ERMAP: variants seen among roughly 807,000 people sequenced by gnomAD.
ERMAP encodes erythroblast membrane associated protein (Scianna blood group).
ERMAP carries 34 observed loss-of-function variants against 49.5 expected under a neutral mutation model. That is an observed-to-expected ratio of 0.69 (90% confidence interval 0.52 to 0.91). The LOEUF is 0.91. ERMAP is among the 40% of genes least tolerant of loss of function. ERMAP has a pLI of 0.00. For synonymous variants in ERMAP, 214 were observed against 232.2 expected, an observed-to-expected ratio of 0.92 and a Z score of 0.71; for missense variants, 541 against 582.6, an observed-to-expected ratio of 0.93 and a Z score of 0.74.
chr1:42,839,561 G>A, intron 8 of ERMAP: 1 of 176,472 alleles, frequency 5.7e-6, no homozygotes, highest in South Asian at 1.3e-4. Flanking sequence ...AGTGAGCCGA[G>A]ATTGCACTAT....
chr1:42,819,895 T>C lies in ERMAP; in HGVS notation c.-122+2642T>C, dbSNP rs1337227216. Among the ~76,000 whole-genome samples the C allele has an allele frequency of 6.6e-6, 1 of 152,214 alleles. No individual in the cohort carries two copies. Among genetic ancestry groups the C allele is most frequent in the African/African-American group, 2.4e-5 (1 of 41,458 alleles). ...AACCACATTCTGGGGATTCTCTTCTTGTTTCTCCTGTGCCAAATCCCCTGC... is the reference window on the plus strand; with the variant it reads ...AACCACATTCTGGGGATTCTCTTCTCGTTTCTCCTGTGCCAAATCCCCTGC... On this transcript the variant is annotated intron_variant, in intron 1 of 11. Coordinates refer to ENST00000372517, the MANE Select transcript of ERMAP (RefSeq NM_001017922.2). The surrounding 1 kb of genome is among the most constrained non-coding windows in gnomAD (Gnocchi z 5.1).
rs12124857 is a variant in ERMAP at position 42,820,031 on chromosome 1, G to A, written c.-122+2778G>A. Among the ~76,000 whole-genome samples, 763 of 152,224 alleles carry A rather than the reference G, an allele frequency of 5.0e-3. 4 individuals are homozygous for A. Among genetic ancestry groups the A allele is most frequent in the Middle Eastern group, 0.044 (13 of 294 alleles). ...ATGGAAGCTAAATTTTTGAGTCCTTGCTTGTCTAAAAATGGCTTTATTTTC... is the reference window on the plus strand; with the variant it reads ...ATGGAAGCTAAATTTTTGAGTCCTTACTTGTCTAAAAATGGCTTTATTTTC... On this transcript the variant is annotated intron_variant, in intron 1 of 11. Coordinates refer to ENST00000372517, the MANE Select transcript of ERMAP (RefSeq NM_001017922.2).
intron 1 of ERMAP, among the ~76,000 whole-genome samples, chr1:42,822,092 A>C (rs1190639682): frequency 1.3e-5 from 2 of 151,510 alleles, no homozygotes; most frequent in Non-Finnish European, 2.9e-5. Flanking sequence ...ATTATATAAC[A>C]ACAAAACATA....
At chr1:42,821,035 G>A (rs1557603408) in intron 1 of ERMAP, among the ~76,000 whole-genome samples, 1 of 152,216 alleles carries the variant, frequency 6.6e-6, no homozygotes, top group South Asian at 2.1e-4. Flanking sequence ...TTGATGTCAG[G>A]AACCCTTTAT....
chr1:42,817,327 G>T (rs1654265214), intron 1 of ERMAP, 74 bp downstream of exon 1: 3 of 1,078,786 alleles, frequency 2.8e-6, no homozygotes, highest in East Asian at 1.0e-4. Context: ...GCGGGGCCGC[G>T]CGCCGGGGGG....
chr1:42,830,607 G>A, intron 3 of ERMAP, 74 bp downstream of exon 3: 2 of 1,546,936 alleles, frequency 1.3e-6, no homozygotes, highest in African/African-American at 1.4e-5. Flanking sequence ...AAGCTTGGCT[G>A]GAAACATTAT....
chr1:42,834,852 G>T (rs569509122), intron 4 of ERMAP, 186 bp from the exon 5 acceptor site: 91 of 549,710 alleles, frequency 1.7e-4, no homozygotes, highest in African/African-American at 1.5e-3. Context: ...ACCGTTCCCA[G>T]CCTCAGTTAT....
At chr1:42,827,135 G>A (rs6658001) in intron 2 of ERMAP, among the ~76,000 whole-genome samples, 51,572 of 152,040 alleles carry the variant, frequency 0.34, 9,069 homozygotes, top group Non-Finnish European at 0.38. Flanking sequence ...AGCACTTGGT[G>A]AAAATATCAG....
chr1:42,833,521 A>C (rs116777754), intron 4 of ERMAP, among the ~76,000 whole-genome samples: 2 of 152,188 alleles, frequency 1.3e-5, no homozygotes, highest in East Asian at 3.8e-4. Context: ...GTATTTTGCC[A>C]TGTGGCTATA....
In ERMAP at chr1:42,830,493, C is replaced by T; in HGVS notation, c.45C>T (p.Leu15=). 2.5e-6 allele frequency: 4 copies of T among 1,614,156 alleles called. No individual in the cohort carries two copies. In the East Asian group the frequency reaches 8.9e-5, roughly 36 times the overall value. Residue 15 remains leucine (L), a synonymous_variant, in exon 3 of 12, where the codon CTC becomes CTT. Transcript: ENST00000372517. ...SSAGSWLSGC[L]IPLVFLRLSV... ...CTGGCTCCTGGCTCTCTGGCTGCCT[C>T]ATCCCTCTCGTCTTCCTCCGGCTGT...
At position 42,817,289 on chromosome 1, in the gene ERMAP, G is replaced by C. The variant is rs373374822; in HGVS notation, c.-122+36G>C. On this transcript the variant is annotated intron_variant, in intron 1 of 11. Coordinates refer to ENST00000372517, the MANE Select transcript of ERMAP (RefSeq NM_001017922.2). ...CCTTCCCCCGACCACTGGACCCAGC[G>C]CTGCCTGCCCACCGCCCCTCGTCCT... is the stretch of plus-strand genomic sequence containing the variant. The C allele has an allele frequency of 4.3e-5, 52 of 1,214,234 alleles. 1 individual carries two copies. The Middle Eastern group carries it at 8.9e-4, about 21-fold the overall frequency. 75.2% of individuals were successfully genotyped at this position (1,214,234 alleles called of 1,614,324 possible).
chr1:42,834,332 G>A (rs1240258985), intron 4 of ERMAP, among the ~76,000 whole-genome samples: 2 of 152,198 alleles, frequency 1.3e-5, no homozygotes, highest in African/African-American at 4.8e-5. Flanking sequence ...CTCTTCTAGA[G>A]CAGAGTGAGG....
chr1:42,834,649 G>A (rs1471718434), intron 4 of ERMAP: 9 of 227,414 alleles, frequency 4.0e-5, no homozygotes, highest in Admixed American at 1.0e-4. Flanking sequence ...TCTGCCTCCC[G>A]GGTTCAAGGG....
intron 7 of ERMAP, chr1:42,837,830 C>T (rs945947252): frequency 2.0e-5 from 3 of 152,414 alleles, no homozygotes; most frequent in Admixed American, 2.0e-4. Flanking sequence ...AGACAAGTCA[C>T]TGGCTCAGAT....
chr1:42,828,354 G>T (rs762962327), intron 2 of ERMAP, among the ~76,000 whole-genome samples: 1 of 152,048 alleles, frequency 6.6e-6, no homozygotes, highest in Non-Finnish European at 1.5e-5. Context: ...CTATGAGGTA[G>T]GTACTATTAT....
intron 1 of ERMAP, among the ~76,000 whole-genome samples, chr1:42,822,872 G>C (rs1470228301): frequency 6.6e-6 from 1 of 152,030 alleles, no homozygotes; most frequent in Non-Finnish European, 1.5e-5. Context: ...AACATGTGGT[G>C]TTTAACTTTC....
intron 1 of ERMAP, among the ~76,000 whole-genome samples, chr1:42,822,335 C>T (rs761057598): frequency 4.6e-5 from 7 of 152,018 alleles, no homozygotes; most frequent in Admixed American, 1.3e-4. Flanking sequence ...AAGCGTGTGC[C>T]ACCACGCCTG....
rs1557613189 is a variant in ERMAP at position 42,838,861 on chromosome 1, G to A, written c.617-40G>A. On this transcript the variant is annotated intron_variant, in intron 7 of 11. Transcript: ENST00000372517. Reference sequence around the variant, plus strand: ...CACAGCTCTGAGGAAAAAGAGGCAGGATCTGATCACTCACTCTTCTCTCTC... The same window carrying A: ...CACAGCTCTGAGGAAAAAGAGGCAGAATCTGATCACTCACTCTTCTCTCTC... 3.7e-6 allele frequency: 6 copies of A among 1,613,506 alleles called. No homozygotes were observed. The African/African-American group carries it at 4.0e-5, about 11-fold the overall frequency.
At position 42,819,204 on chromosome 1, in the gene ERMAP, T is replaced by TGTGTGA. The variant is rs1553148828; in HGVS notation, c.-122+1954_-122+1955insTGAGTG. Among the ~76,000 whole-genome samples, 1 of 121,154 alleles carries TGTGTGA rather than the reference T, an allele frequency of 8.3e-6. No homozygotes were observed. Among genetic ancestry groups the TGTGTGA allele is most frequent in the Admixed American group, 8.1e-5 (1 of 12,388 alleles). 79.5% of individuals were successfully genotyped at this position (121,154 alleles called of 152,430 possible). ...GTGTGTGTGTGTGTGTGTGTGTGTG[T>TGTGTGA]GTGCGCGCGCGCAAGAGAGGGACCG... On this transcript the variant is annotated intron_variant, in intron 1 of 11. Transcript: ENST00000372517. This position sits in a 1 kb window ranked among gnomAD's most constrained non-coding sequence, Gnocchi z 5.1.
Sources: gnomAD v4.1 joint callset for allele counts (sites outside exome capture counted in the v4.1 genomes callset) on GRCh38, gnomAD v4.1.1 for gene constraint, Gnocchi (gnomAD v3.1) non-coding constraint, MANE v1.5 for transcripts, NCBI Gene and HGNC (gene_info 2026-07-23, HGNC 2026-07-21) for gene names.